Variants in PLPPR1 observed in about 807,000 individuals in gnomAD.
The protein encoded by PLPPR1 is phospholipid phosphatase related 1.
PLPPR1 carries 10 observed loss-of-function variants against 33.1 expected under a neutral mutation model. The observed-to-expected ratio is 0.30, with a 90% confidence interval of 0.19 to 0.51. The LOEUF is 0.51. Among genes scored for constraint, PLPPR1 ranks in the 20% least tolerant of loss-of-function variants. PLPPR1 has a pLI of 0.97. For missense variants in PLPPR1, 304 were observed against 408.1 expected (o/e 0.74, Z 2.20); for synonymous variants, 151 against 151.0 (o/e 1.00, Z 0.00).
chr9:101,286,510 AC>A (rs2118916483), intron 4 of PLPPR1, among the ~76,000 whole-genome samples: 1 of 152,206 alleles, frequency 6.6e-6, no homozygotes, highest in South Asian at 2.1e-4. Flanking sequence ...ATTGCTATAT[AC>A]CTTTTAGCAG....
intron 1 of PLPPR1, among the ~76,000 whole-genome samples, chr9:101,067,372 T>C (rs746450335): frequency 2.2e-4 from 34 of 152,078 alleles, no homozygotes; most frequent in Non-Finnish European, 8.8e-5. Flanking sequence ...CATTTGGCTC[T>C]TGTGGCCTTG....
At chr9:101,117,004 A>C (rs894590810) in intron 1 of PLPPR1, among the ~76,000 whole-genome samples, 83 of 152,200 alleles carry the variant, frequency 5.5e-4, no homozygotes, top group Middle Eastern at 3.4e-3. Context: ...TTAGGCAGGG[A>C]TATCATATCA....
chr9:101,037,829 G>A (rs921022456), intron 1 of PLPPR1, among the ~76,000 whole-genome samples: 8 of 149,898 alleles, frequency 5.3e-5, no homozygotes, highest in South Asian at 2.1e-4. Flanking sequence ...AATATCTCTA[G>A]GTTTGAGACA....
At chr9:101,318,797 C>A (rs1564037873) in intron 7 of PLPPR1, among the ~76,000 whole-genome samples, 1 of 151,092 alleles carries the variant, frequency 6.6e-6, no homozygotes, top group Admixed American at 6.6e-5. Flanking sequence ...AACAAACAAA[C>A]AAAAAAAACA....
chr9:101,211,883 T>C (rs1826697730), intron 2 of PLPPR1, among the ~76,000 whole-genome samples: 2 of 152,206 alleles, frequency 1.3e-5, no homozygotes, highest in Admixed American at 1.3e-4. Context: ...AACAAGCCTA[T>C]GAAATGGATA....
chr9:101,268,392 G>A (rs1828037330), intron 2 of PLPPR1, among the ~76,000 whole-genome samples: 1 of 152,126 alleles, frequency 6.6e-6, no homozygotes, highest in African/African-American at 2.4e-5. Flanking sequence ...GGTTTATAGT[G>A]GGGCAGAGGG....
At chr9:101,318,176 T>C (rs1829089371) in intron 7 of PLPPR1, among the ~76,000 whole-genome samples, 1 of 151,956 alleles carries the variant, frequency 6.6e-6, no homozygotes, top group Non-Finnish European at 1.5e-5. Flanking sequence ...ACTAAATAAA[T>C]AAATAAATCA....
intron 1 of PLPPR1, among the ~76,000 whole-genome samples, chr9:101,033,246 G>T (rs917705364): frequency 1.3e-5 from 2 of 152,186 alleles, no homozygotes; most frequent in Admixed American, 1.3e-4. Flanking sequence ...ATTGACTACA[G>T]GGAGTGCAAC....
intron 7 of PLPPR1, among the ~76,000 whole-genome samples, chr9:101,320,885 A>T (rs147696389): frequency 9.6e-4 from 147 of 152,352 alleles, no homozygotes; most frequent in South Asian, 2.3e-3. Context: ...CCCATCCAAT[A>T]CTGAGGCCCT....
intron 6 of PLPPR1, among the ~76,000 whole-genome samples, chr9:101,313,549 C>G (rs941537373): frequency 6.6e-6 from 1 of 152,194 alleles, no homozygotes; most frequent in African/African-American, 2.4e-5. Flanking sequence ...TTCCGCTAAA[C>G]TGGCTTCTCA....
rs560317537 is a variant in PLPPR1 at position 101,106,057 on chromosome 9, T to C, written c.-46+76955T>C. On this transcript the variant is annotated intron_variant, in intron 1 of 7. Transcript: ENST00000374874. ...CCTATGTGTGTCTCTGCATGTGAGATGGGTTTCCTGAATACAGCACACTGA... is the reference window on the plus strand; with the variant it reads ...CCTATGTGTGTCTCTGCATGTGAGACGGGTTTCCTGAATACAGCACACTGA... Among the ~76,000 whole-genome samples the C allele has an allele frequency of 2.6e-5, 4 of 151,488 alleles. No individual in the cohort carries two copies. In the East Asian group the frequency reaches 7.7e-4, roughly 29 times the overall value.
intron 1 of PLPPR1, among the ~76,000 whole-genome samples, chr9:101,112,089 G>A (rs1206853708): frequency 6.6e-6 from 1 of 152,130 alleles, no homozygotes; most frequent in Admixed American, 6.5e-5. Context: ...TGTCAACTGA[G>A]AATCATATTT....
chr9:101,154,292 C>T (rs907909754), intron 1 of PLPPR1, among the ~76,000 whole-genome samples: 1 of 152,142 alleles, frequency 6.6e-6, no homozygotes, highest in African/African-American at 2.4e-5. Flanking sequence ...ATGGTACCAG[C>T]TCCTCCTTGT....
intron 1 of PLPPR1, chr9:101,184,910 T>A (rs1826178599): frequency 6.6e-6 from 1 of 151,986 alleles, no homozygotes; most frequent in African/African-American, 2.4e-5. Context: ...CATATTAACC[T>A]GAAGTTGTTC....
intron 2 of PLPPR1, among the ~76,000 whole-genome samples, chr9:101,196,506 C>A (rs1324765036): frequency 6.6e-6 from 1 of 152,304 alleles, no homozygotes; most frequent in South Asian, 2.1e-4. Context: ...TACTAAACTA[C>A]AGAGTATTGG....
Position 101,113,352 on chromosome 9 carries a change from AC to A in PLPPR1, c.-45-72097del, listed in dbSNP as rs918277269. On this transcript the variant is annotated intron_variant, in intron 1 of 7. Transcript: ENST00000374874. ...TGTTTTTGTACATTTATGCCTTTAT[AC>A]TATGTAAATACTGTGTGCTGTTTAG... Among the ~76,000 whole-genome samples, 47 of 152,256 alleles carry A rather than the reference AC, an allele frequency of 3.1e-4. 1 individual carries two copies. The highest frequency in any genetic ancestry group is 3.4e-3 in the Middle Eastern group (1 of 294).
chr9:101,261,119 G>C (rs912941991), intron 2 of PLPPR1, among the ~76,000 whole-genome samples: 3 of 152,124 alleles, frequency 2.0e-5, no homozygotes, highest in Non-Finnish European at 4.4e-5. Context: ...AAAAAGAACA[G>C]TTAAATGGCT....
intron 3 of PLPPR1, 106 bp from the exon 4 acceptor site, chr9:101,285,998 T>A: frequency 1.2e-6 from 1 of 823,488 alleles, no homozygotes; most frequent in Non-Finnish European, 1.9e-6. Flanking sequence ...CAACATCTTT[T>A]AAAATGATTG....
At chr9:101,270,776 A>G (rs983667179) in intron 3 of PLPPR1, among the ~76,000 whole-genome samples, 7 of 152,148 alleles carry the variant, frequency 4.6e-5, no homozygotes, top group African/African-American at 1.7e-4. Flanking sequence ...TTAAAATGAT[A>G]TTTGGGGGAG....
Sources: allele counts gnomAD v4.1 joint callset (sites outside exome capture counted in the v4.1 genomes callset), GRCh38; gene constraint gnomAD v4.1.1; transcripts MANE v1.5; gene names NCBI Gene and HGNC (gene_info 2026-07-23, HGNC 2026-07-21).